CLTCL1: variants seen among roughly 807,000 people sequenced by gnomAD.
CLTCL1 encodes the protein clathrin heavy chain like 1.
CLTCL1 carries 159 observed loss-of-function variants against 190.0 expected under a neutral mutation model. The observed-to-expected ratio is 0.84, with a 90% CI of 0.74 to 0.95. The LOEUF is 0.95. Ranked by LOEUF, CLTCL1 falls within the 40% of genes least tolerant of loss-of-function variation. The probability of loss-of-function intolerance (pLI) is 0.00; values close to 1 mark genes in which losing one functional copy is unlikely to be tolerated. For synonymous variants in CLTCL1, 752 were observed against 769.6 expected (o/e 0.98, Z 0.38); for missense variants, 1,878 against 2,033.4 (o/e 0.92, Z 1.47).
Position 19,275,681 on chromosome 22 carries a change from C to T in CLTCL1, c.192G>A (p.Arg64=), listed in dbSNP as rs528515112. 5.6e-6 allele frequency: 9 copies of T among 1,606,194 alleles called. No individual in the cohort carries two copies. In the Admixed American group the frequency reaches 6.8e-5, roughly 12 times the overall value. ...TGATGGCACTCTCTGCAGAGATAGG[C>T]CGTCGGATCGGAGCCATTGGGTCAC... ...DMSDPMAPIR[R]PISAESAIMN... Residue 64 remains arginine, a synonymous_variant, in exon 2 of 33, where the codon CGG becomes CGA. Transcript: ENST00000427926.
intron 2 of CLTCL1, among the ~76,000 whole-genome samples, chr22:19,265,385 G>A (rs2087088897): frequency 6.6e-6 from 1 of 151,974 alleles, no homozygotes; most frequent in Admixed American, 6.6e-5. Context: ...AAGAGCACTG[G>A]ATATGATAAA....
intron 3 of CLTCL1, among the ~76,000 whole-genome samples, chr22:19,251,612 G>A (rs1017263442): frequency 1.4e-4 from 22 of 152,120 alleles, no homozygotes; most frequent in East Asian, 1.2e-3. Flanking sequence ...GCCCGCCACC[G>A]TGCCCGGCTA....
chr22:19,202,427 C>A (rs1555940321), intron 22 of CLTCL1, among the ~76,000 whole-genome samples: 10 of 151,940 alleles, frequency 6.6e-5, no homozygotes, highest in East Asian at 1.9e-4. Context: ...CCTCCCGCAC[C>A]ACCCCTCCTT....
At chr22:19,254,330 G>T in intron 2 of CLTCL1, 103 bp from the exon 3 acceptor site, 1 of 989,804 alleles carries the variant, frequency 1.0e-6, no homozygotes, top group Non-Finnish European at 1.5e-6. Flanking sequence ...ACTTTAGGTT[G>T]TACTGCTAAT....
intron 2 of CLTCL1, among the ~76,000 whole-genome samples, chr22:19,268,036 T>C (rs572653466): frequency 6.6e-6 from 1 of 152,116 alleles, no homozygotes; most frequent in Non-Finnish European, 1.5e-5. Flanking sequence ...TCAAAACATA[T>C]CCTATGGTTT....
intron 12 of CLTCL1, among the ~76,000 whole-genome samples, chr22:19,225,910 G>A (rs1555955708): frequency 7.2e-5 from 11 of 152,206 alleles, no homozygotes; most frequent in Non-Finnish European, 2.9e-5. Context: ...GTTTAGCTTT[G>A]CTAATGGTTT....
At position 19,260,006 on chromosome 22, in the gene CLTCL1, G is replaced by A. The variant is rs5746705; in HGVS notation, c.251-5779C>T. Among the ~76,000 whole-genome samples, 1,096 of 152,314 alleles carry A rather than the reference G, an allele frequency of 7.2e-3. 19 individuals are homozygous for A. Among genetic ancestry groups the A allele is most frequent in the South Asian group, 0.051 (244 of 4,820 alleles). Reference sequence around the variant, plus strand: ...TAAGAAAACAAACAGCCTTACTGCTGATATGGACAAAGTTGTAGTGGCCTG... The same window carrying A: ...TAAGAAAACAAACAGCCTTACTGCTAATATGGACAAAGTTGTAGTGGCCTG... On this transcript the variant is annotated intron_variant, in intron 2 of 32. Coordinates refer to ENST00000427926, the MANE Select transcript of CLTCL1 (RefSeq NM_007098.4).
At chr22:19,187,943 C>T (rs1555929242) in intron 28 of CLTCL1, 38 bp downstream of exon 28, 3 of 1,582,896 alleles carry the variant, frequency 1.9e-6, no homozygotes, top group Non-Finnish European at 2.6e-6. Context: ...GGGAGGAGCC[C>T]AGCCCACCCA....
At chr22:19,234,082 AC>A (rs1482979248) in intron 7 of CLTCL1, among the ~76,000 whole-genome samples, 2 of 152,218 alleles carry the variant, frequency 1.3e-5, no homozygotes, top group African/African-American at 4.8e-5. Flanking sequence ...AATGAAATAA[AC>A]CCAAGAAAAA....
At chr22:19,205,881 G>C (rs2283645) in intron 22 of CLTCL1, among the ~76,000 whole-genome samples, 1 of 150,904 alleles carries the variant, frequency 6.6e-6, no homozygotes, top group Non-Finnish European at 1.5e-5. Context: ...AGAATTACAT[G>C]ATGAACTTTT....
rs1942798653 is a variant in CLTCL1 at position 19,179,632 on chromosome 22, G to C, written c.*358C>G. ...CGGAGGCGCCCAGGAGGAAGGCCTG[G>C]CTCCAGCAGGAGGGCCCACAGTCCA... On this transcript the variant is annotated 3_prime_UTR_variant, in exon 33 of 33. Transcript: ENST00000427926. 6.4e-6 allele frequency: 1 copy of C among 156,676 alleles called. No homozygotes were observed. The highest frequency in any genetic ancestry group is 1.8e-4 in the South Asian group (1 of 5,478). The allele number at this position is 156,676 out of a possible 1,614,324, so 9.7% of individuals were successfully genotyped here.
At chr22:19,207,462 T>C in intron 22 of CLTCL1, 1 of 400,468 alleles carries the variant, frequency 2.5e-6, no homozygotes, top group Non-Finnish European at 4.4e-6. Context: ...GCCAAGAGCA[T>C]GTCAAAATTC....
chr22:19,270,539 A>G (rs1295545639), intron 2 of CLTCL1, among the ~76,000 whole-genome samples: 2 of 152,018 alleles, frequency 1.3e-5, no homozygotes, highest in East Asian at 3.9e-4. Flanking sequence ...CATCCTGGCT[A>G]ACATGGTGAA....
At chr22:19,239,636 T>C (rs781923767) in intron 4 of CLTCL1, among the ~76,000 whole-genome samples, 7 of 152,234 alleles carry the variant, frequency 4.6e-5, no homozygotes, top group Non-Finnish European at 1.0e-4. Flanking sequence ...TCCAGCACAG[T>C]GGCAGAGTCA....
At chr22:19,273,777 T>C (rs2087403136) in intron 2 of CLTCL1, among the ~76,000 whole-genome samples, 1 of 152,132 alleles carries the variant, frequency 6.6e-6, no homozygotes, top group Non-Finnish European at 1.5e-5. Context: ...AGCAAACCCC[T>C]GCTTCCTTAG....
chr22:19,210,854 C>T (rs574011830), intron 19 of CLTCL1, among the ~76,000 whole-genome samples: 73 of 152,250 alleles, frequency 4.8e-4, no homozygotes, highest in South Asian at 2.7e-3. Flanking sequence ...AGCTTTATCA[C>T]ATCTACTGTA....
chr22:19,201,536 G>A lies in CLTCL1; in HGVS notation c.3601-43C>T, dbSNP rs569057747. 2.5e-6 allele frequency: 4 copies of A among 1,576,730 alleles called. No individual in the cohort carries two copies. In the African/African-American group the frequency reaches 5.4e-5, roughly 21 times the overall value. Reference sequence around the variant, plus strand: ...GCTCGACTGAGACACTCTTCAATGGGAAGATTTCTCCAGAGTTGCTTTTAA... The same window carrying A: ...GCTCGACTGAGACACTCTTCAATGGAAAGATTTCTCCAGAGTTGCTTTTAA... On this transcript the variant is annotated intron_variant, in intron 22 of 32. Coordinates refer to ENST00000427926, the MANE Select transcript of CLTCL1 (RefSeq NM_007098.4).
At chr22:19,240,507 G>A (rs2086220339) in intron 4 of CLTCL1, among the ~76,000 whole-genome samples, 1 of 152,122 alleles carries the variant, frequency 6.6e-6, no homozygotes, top group South Asian at 2.1e-4. Flanking sequence ...AATGGGGGAG[G>A]CTGAGCGGCA....
At chr22:19,204,626 A>G (rs2084995472) in intron 22 of CLTCL1, among the ~76,000 whole-genome samples, 1 of 152,214 alleles carries the variant, frequency 6.6e-6, no homozygotes, top group South Asian at 2.1e-4. Flanking sequence ...CTGATGCTTA[A>G]TAAAAGGTGA....
Sources: allele counts gnomAD v4.1 joint callset (sites outside exome capture counted in the v4.1 genomes callset), GRCh38; gene constraint gnomAD v4.1.1; transcripts MANE v1.5; gene names NCBI Gene and HGNC (gene_info 2026-07-23, HGNC 2026-07-21).